HSF2BP: variants seen among roughly 807,000 people sequenced by gnomAD.
HSF2BP encodes heat shock transcription factor 2 binding protein.
In HSF2BP, 35 loss-of-function variants were observed where a neutral mutation model predicts 35.0. The observed-to-expected ratio is 1.00, with a 90% CI of 0.76 to 1.32. HSF2BP has a LOEUF of 1.32. HSF2BP is among the 40% of genes most tolerant of loss of function. The pLI is 0.00. For missense variants in HSF2BP, 326 were observed against 321.7 expected, an observed-to-expected ratio of 1.01 and a Z score of -0.10; for synonymous variants, 114 against 117.4, an observed-to-expected ratio of 0.97 and a Z score of 0.18.
At chr21:43,650,928 G>C (rs554778469) in intron 3 of HSF2BP, among the ~76,000 whole-genome samples, 33 of 151,928 alleles carry the variant, frequency 2.2e-4, no homozygotes, top group Admixed American at 1.7e-3. Flanking sequence ...GTCTGGTCTC[G>C]AACTCCTGAC....
intron 4 of HSF2BP, among the ~76,000 whole-genome samples, chr21:43,640,648 T>C (rs2082623474): frequency 6.6e-6 from 1 of 152,236 alleles, no homozygotes; most frequent in South Asian, 2.1e-4. Context: ...GTTTTTATCT[T>C]CTACTATAGT....
intron 6 of HSF2BP, among the ~76,000 whole-genome samples, chr21:43,621,603 A>C (rs1206539676): frequency 3.9e-5 from 6 of 152,166 alleles, no homozygotes; most frequent in Non-Finnish European, 8.8e-5. Flanking sequence ...TTCTGAAAGA[A>C]AGAAAACACT....
chr21:43,507,131 C>T, the HSF2BP span, among the ~76,000 whole-genome samples: 3 of 130,426 alleles, frequency 2.3e-5, 1 homozygote, highest in African/African-American at 8.1e-5. Flanking sequence ...CACTTTAAAA[C>T]GCCCCTGTGA....
chr21:43,633,227 A>AGTAATT (rs2082505657), intron 5 of HSF2BP, 45 bp downstream of exon 5: 1 of 1,579,692 alleles, frequency 6.3e-7, no homozygotes, highest in Admixed American at 1.9e-5. Context: ...TAATTTACAC[A>AGTAATT]AGCAGTAATC....
rs556623155 is a variant in HSF2BP at position 43,603,033 on chromosome 21, G to GA, written c.693-10706dup. Among the ~76,000 whole-genome samples, 12 of 151,808 alleles carry GA rather than the reference G, an allele frequency of 7.9e-5. No homozygotes were observed. The South Asian group carries it at 1.9e-3, about 24-fold the overall frequency. On this transcript the variant is annotated intron_variant, in intron 7 of 8. Coordinates refer to ENST00000291560, the MANE Select transcript of HSF2BP (RefSeq NM_007031.2). Reference sequence around the variant, plus strand: ...AATCATAGGCAGCGTGGGCAGTGAGGAAAAAAAATAACCCGGCCTCCATAA... The same window carrying GA: ...AATCATAGGCAGCGTGGGCAGTGAGGAAAAAAAAATAACCCGGCCTCCATAA...
At chr21:43,638,181 C>T (rs2082590226) in intron 4 of HSF2BP, among the ~76,000 whole-genome samples, 1 of 152,212 alleles carries the variant, frequency 6.6e-6, no homozygotes, top group African/African-American at 2.4e-5. Flanking sequence ...CTACAGGGGC[C>T]GGGTGCGGTG....
At chr21:43,615,424 T>C (rs1463454313) in intron 6 of HSF2BP, among the ~76,000 whole-genome samples, 1 of 152,240 alleles carries the variant, frequency 6.6e-6, no homozygotes, top group Non-Finnish European at 1.5e-5. Flanking sequence ...TGTAATCTGA[T>C]GGCAGAATAT....
intron 6 of HSF2BP, among the ~76,000 whole-genome samples, chr21:43,627,016 C>T (rs766880780): frequency 6.6e-5 from 10 of 152,086 alleles, no homozygotes; most frequent in Middle Eastern, 6.8e-3. Context: ...TACAGGTGTG[C>T]GCCACCACGC....
intron 8 of HSF2BP, among the ~76,000 whole-genome samples, chr21:43,590,687 G>A (rs2081914458): frequency 2.0e-5 from 3 of 152,128 alleles, no homozygotes; most frequent in African/African-American, 7.2e-5. Flanking sequence ...AGACATGGAT[G>A]GGTCTCAAAA....
At chr21:43,505,334 G>C in the HSF2BP span, among the ~76,000 whole-genome samples, 2 of 101,992 alleles carry the variant, frequency 2.0e-5, no homozygotes, top group East Asian at 4.8e-4. Context: ...ATGGGACGGA[G>C]TCACACAGAG....
intron 3 of HSF2BP, among the ~76,000 whole-genome samples, chr21:43,655,915 G>A (rs187974318): frequency 5.8e-4 from 88 of 152,284 alleles, no homozygotes; most frequent in African/African-American, 2.0e-3. Flanking sequence ...AGCTACCTGG[G>A]CCCCCTGGAT....
At chr21:43,588,087 T>C (rs2081878469) in intron 8 of HSF2BP, among the ~76,000 whole-genome samples, 1 of 152,036 alleles carries the variant, frequency 6.6e-6, no homozygotes, top group South Asian at 2.1e-4. Context: ...TGAGAAGTCA[T>C]CCAGTACTGG....
intron 8 of HSF2BP, among the ~76,000 whole-genome samples, chr21:43,588,465 G>A (rs549161270): frequency 5.9e-5 from 9 of 151,934 alleles, no homozygotes; most frequent in Admixed American, 1.3e-4. Flanking sequence ...GTCCTGTAGC[G>A]TTGTTGGGAA....
Position 43,656,724 on chromosome 21 carries a change from T to A in HSF2BP, c.50A>T (p.Lys17Ile). The A allele has an allele frequency of 6.2e-7, 1 of 1,612,808 alleles. No individual in the cohort carries two copies. The highest frequency in any genetic ancestry group is 8.5e-7 in the Non-Finnish European group (1 of 1,179,662). ...AEEACRHMGT[K>I]EEFVKVRKKD... The stretch of plus-strand genomic sequence containing the variant: ...CTTTCTGACTTTAACAAATTCCTCT[T>A]TAGTTCCCATGTGCTAAAAGAACAA... The change falls in exon 3 of 9, where the codon AAA (lysine) becomes ATA (isoleucine). Residue 17 changes from lysine (K) to isoleucine (I), a missense_variant. By Grantham distance (102) the Lys-to-Ile change is moderately radical (BLOSUM62 -3). Transcript: ENST00000291560.
At chr21:43,612,650 CAA>C (rs762585967) in intron 7 of HSF2BP, among the ~76,000 whole-genome samples, 3,584 of 76,308 alleles carry the variant, frequency 0.047, 134 homozygotes, top group African/African-American at 0.17. Context: ...GACTCCGTCT[CAA>C]AAAAAAAAAA....
At chr21:43,643,685 G>A (rs925111968) in intron 4 of HSF2BP, among the ~76,000 whole-genome samples, 8 of 152,192 alleles carry the variant, frequency 5.3e-5, no homozygotes, top group African/African-American at 1.4e-4. Flanking sequence ...CTCGCCGGGC[G>A]TGATGGCTCA....
chr21:43,607,360 A>G (rs2082148122), intron 7 of HSF2BP, among the ~76,000 whole-genome samples: 1 of 152,024 alleles, frequency 6.6e-6, no homozygotes, highest in Admixed American at 6.6e-5. Flanking sequence ...AGCCACACAC[A>G]CACACAAAAA....
At chr21:43,612,964 G>T (rs917925658) in intron 7 of HSF2BP, among the ~76,000 whole-genome samples, 1 of 152,148 alleles carries the variant, frequency 6.6e-6, no homozygotes, top group African/African-American at 2.4e-5. Context: ...TCATTGCCTG[G>T]AAAAGAGGAT....
intron 6 of HSF2BP, among the ~76,000 whole-genome samples, chr21:43,617,464 T>G (rs1206087860): frequency 6.6e-6 from 1 of 150,866 alleles, no homozygotes; most frequent in Non-Finnish European, 1.5e-5. Context: ...CATGGTAATT[T>G]GTACTTTGCT....
Sources: allele counts gnomAD v4.1 joint callset (sites outside exome capture counted in the v4.1 genomes callset), GRCh38; gene constraint gnomAD v4.1.1; transcripts MANE v1.5; gene names NCBI Gene and HGNC (gene_info 2026-07-23, HGNC 2026-07-21).